Variants in DAB1 observed in about 807,000 individuals in gnomAD.
The protein encoded by DAB1 is disabled homolog 1.
Under a neutral mutation model 64.6 loss-of-function variants are expected in DAB1, and 15 were observed. The ratio of observed to expected loss-of-function variants is 0.23; its 90% CI spans 0.16 to 0.36. The LOEUF (loss-of-function observed/expected upper bound fraction) is 0.36, where lower values mean the gene tolerates loss of function less well. Ranked by LOEUF, DAB1 falls within the 10% of genes least tolerant of loss-of-function variation. The pLI is 1.00. For missense variants in DAB1, 596 were observed against 706.7 expected, an observed-to-expected ratio of 0.84 and a Z score of 1.78; for synonymous variants, 235 against 251.9, an observed-to-expected ratio of 0.93 and a Z score of 0.64.
At chr1:57,585,903 C>T (rs1424030958) in intron 7 of DAB1, among the ~76,000 whole-genome samples, 3 of 152,180 alleles carry the variant, frequency 2.0e-5, no homozygotes, top group African/African-American at 2.4e-5. Flanking sequence ...CACTTGACTT[C>T]CATTCTTTGA....
At chr1:58,530,819 C>T in intron 1 of DAB1, 1 of 727,756 alleles carries the variant, frequency 1.4e-6, no homozygotes, top group Admixed American at 2.1e-5. Flanking sequence ...TTACAATTAC[C>T]TGACCTTCTC....
intron 6 of DAB1, among the ~76,000 whole-genome samples, chr1:57,761,665 C>A (rs116705101): frequency 1.3e-5 from 2 of 152,212 alleles, no homozygotes; most frequent in African/African-American, 4.8e-5. Flanking sequence ...AACATGACTG[C>A]CCAGGCAGAG....
At chr1:57,819,093 T>C (rs749656735) in intron 6 of DAB1, among the ~76,000 whole-genome samples, 2 of 152,250 alleles carry the variant, frequency 1.3e-5, no homozygotes, top group African/African-American at 4.8e-5. Context: ...TATTTGACTA[T>C]ATGACTGATG....
At chr1:58,281,056 A>G (rs1169721477) in intron 4 of DAB1, among the ~76,000 whole-genome samples, 2 of 152,132 alleles carry the variant, frequency 1.3e-5, no homozygotes, top group Non-Finnish European at 2.9e-5. Flanking sequence ...TTTGGGGAGA[A>G]AGACAGGTTG....
At chr1:58,490,061 C>T (rs186883883) in intron 3 of DAB1, among the ~76,000 whole-genome samples, 3 of 152,308 alleles carry the variant, frequency 2.0e-5, no homozygotes, top group East Asian at 1.9e-4. Flanking sequence ...GAACACAGCT[C>T]GTCACCAGCA....
chr1:58,162,657 G>A (rs1018609845), intron 4 of DAB1, among the ~76,000 whole-genome samples: 5 of 152,024 alleles, frequency 3.3e-5, no homozygotes, highest in Non-Finnish European at 5.9e-5. Context: ...CAATTATTCT[G>A]TTACAGAAAT....
chr1:57,667,975 A>T (rs564915966), intron 6 of DAB1, among the ~76,000 whole-genome samples: 1 of 152,148 alleles, frequency 6.6e-6, no homozygotes, highest in East Asian at 1.9e-4. Flanking sequence ...GCAAACCACC[A>T]TGTCACATGT....
chr1:57,836,750 T>C (rs1428147008), intron 1 of DAB1, among the ~76,000 whole-genome samples: 1 of 152,216 alleles, frequency 6.6e-6, no homozygotes, highest in African/African-American at 2.4e-5. Flanking sequence ...AGAGATCGTA[T>C]CTTTTTTCCT....
intron 4 of DAB1, among the ~76,000 whole-genome samples, chr1:57,093,454 T>TA (rs1653875411): frequency 6.6e-6 from 1 of 152,110 alleles, no homozygotes; most frequent in African/African-American, 2.4e-5. Context: ...TCTACTTATC[T>TA]ACCCTGCAAT....
chr1:58,481,024 T>C, intron 3 of DAB1: 1 of 871,900 alleles, frequency 1.1e-6, no homozygotes, highest in South Asian at 1.3e-5. Flanking sequence ...TGTTTTTGAA[T>C]AGGAAGAGTA....
At chr1:57,264,812 T>C (rs181768637) in intron 2 of DAB1, among the ~76,000 whole-genome samples, 1 of 152,370 alleles carries the variant, frequency 6.6e-6, no homozygotes, top group Admixed American at 6.5e-5. Context: ...GGTCTTAAGA[T>C]GCTTTCTGAT....
chr1:57,439,425 C>CTTTTTTTTTT (rs71051230), intron 7 of DAB1, among the ~76,000 whole-genome samples: 2 of 97,984 alleles, frequency 2.0e-5, no homozygotes, highest in Non-Finnish European at 1.9e-5. Flanking sequence ...GAGGTTTTTT[C>CTTTTTTTTTT]TTTTTTTTTT....
intron 7 of DAB1, among the ~76,000 whole-genome samples, chr1:57,534,576 G>A (rs1475985583): frequency 2.0e-5 from 3 of 152,196 alleles, no homozygotes; most frequent in Non-Finnish European, 2.9e-5. Context: ...GTTCATAAGG[G>A]AGAGCCCACG....
At chr1:57,551,329 T>G (rs567503173) in intron 7 of DAB1, among the ~76,000 whole-genome samples, 1 of 152,304 alleles carries the variant, frequency 6.6e-6, no homozygotes, top group African/African-American at 2.4e-5. Flanking sequence ...GGGGTAGAGC[T>G]GGAATGCCAG....
chr1:57,975,797 T>C (rs1448490902), intron 5 of DAB1, among the ~76,000 whole-genome samples: 1 of 152,184 alleles, frequency 6.6e-6, no homozygotes, highest in African/African-American at 2.4e-5. Context: ...GAATTCACTT[T>C]GCTGGCTTCC....
intron 3 of DAB1, among the ~76,000 whole-genome samples, chr1:58,414,825 T>C (rs1022811358): frequency 3.9e-5 from 6 of 152,054 alleles, no homozygotes; most frequent in African/African-American, 1.4e-4. Flanking sequence ...CTAAGCTTAC[T>C]TGCTATTCCA....
intron 6 of DAB1, among the ~76,000 whole-genome samples, chr1:57,726,178 A>C (rs911064312): frequency 3.9e-5 from 6 of 152,230 alleles, no homozygotes; most frequent in African/African-American, 1.4e-4. Flanking sequence ...AAAATAGAAG[A>C]GTAAAGTAAA....
At chr1:58,039,199 G>A (rs1234967299) in intron 5 of DAB1, among the ~76,000 whole-genome samples, 6 of 152,074 alleles carry the variant, frequency 3.9e-5, no homozygotes, top group Non-Finnish European at 8.8e-5. Flanking sequence ...TTAACCAATC[G>A]CTCTAGAATC....
intron 3 of DAB1, among the ~76,000 whole-genome samples, chr1:58,434,450 G>A (rs1004719686): frequency 5.9e-5 from 9 of 151,772 alleles, no homozygotes; most frequent in Admixed American, 4.6e-4. Flanking sequence ...CAGAACAGCA[G>A]AGAAGTAGAA....
Sources: gnomAD v4.1 joint callset for allele counts (sites outside exome capture counted in the v4.1 genomes callset) on GRCh38, gnomAD v4.1.1 for gene constraint, MANE v1.5 for transcripts, NCBI Gene and HGNC (gene_info 2026-07-23, HGNC 2026-07-21) for gene names.